DGLUCY: variants seen among roughly 807,000 people sequenced by gnomAD.
DGLUCY encodes the protein D-glutamate cyclase.
Under a neutral mutation model 58.5 loss-of-function variants are expected in DGLUCY, and 58 were observed. That is an observed-to-expected ratio of 0.99 (90% CI 0.80 to 1.23). DGLUCY has a LOEUF of 1.23. Among genes scored for constraint, DGLUCY ranks in the 50% most tolerant of loss-of-function variants. The probability of loss-of-function intolerance (pLI) is 0.00; values close to 1 mark genes in which losing one functional copy is unlikely to be tolerated. For synonymous variants in DGLUCY, 325 were observed against 314.1 expected (o/e 1.03, Z -0.37); for missense variants, 779 against 784.7 (o/e 0.99, Z 0.09).
At chr14:91,215,842 G>A (rs1886438612) in intron 13 of DGLUCY, 1 of 1,019,420 alleles carries the variant, frequency 9.8e-7, no homozygotes, top group Admixed American at 3.4e-5. Context: ...CTGTAAAATG[G>A]GGGTGGTCAG....
rs150798323 is a variant in DGLUCY, at chr14:91,143,541, C to T, written c.-81-14098C>T. ...AGTGGCCTGGTCTCCAACCGTTTCT[C>T]CACACGCTCTGCCTTTCTGACAGCA... On this transcript the variant is annotated intron_variant, in intron 1 of 13. Transcript: ENST00000256324. 2.8e-3 allele frequency among the ~76,000 whole-genome samples: 432 copies of T among 152,284 alleles called. 4 individuals are homozygous for T. Among genetic ancestry groups the T allele is most frequent in the African/African-American group, 9.2e-3 (382 of 41,546 alleles).
chr14:91,061,981 A>G (rs1307005222), intron 1 of DGLUCY, among the ~76,000 whole-genome samples: 1 of 152,208 alleles, frequency 6.6e-6, no homozygotes, highest in African/African-American at 2.4e-5. Flanking sequence ...GATAGATGTG[A>G]TCTTTTAAAC....
chr14:91,079,797 TA>T (rs1226899070), intron 1 of DGLUCY, among the ~76,000 whole-genome samples: 4 of 152,338 alleles, frequency 2.6e-5, no homozygotes, highest in South Asian at 4.1e-4. Flanking sequence ...TTATGGCTGT[TA>T]AAAAATTATG....
chr14:91,189,067 T>C lies in DGLUCY; in HGVS notation c.1092T>C (p.Ala364=). 3 of 1,614,166 alleles carry C rather than the reference T, an allele frequency of 1.9e-6. No individual in the cohort carries two copies. The highest frequency in any genetic ancestry group is 1.7e-6 in the Non-Finnish European group (2 of 1,180,028). The change falls in exon 9 of 14, where the codon GCT becomes GCC. Residue 364 remains alanine, a synonymous_variant. Coordinates refer to ENST00000256324, the MANE Select transcript of DGLUCY (RefSeq NM_001102368.3). ...EETDGPPGAV[A]LVAFLQALEK... ...CAGATGGCCCACCAGGAGCTGTTGCTCTGGTTGCCTTCCTGCAGGCCTTGG... is the reference window on the plus strand; with the variant it reads ...CAGATGGCCCACCAGGAGCTGTTGCCCTGGTTGCCTTCCTGCAGGCCTTGG...
chr14:91,167,829 A>G (rs2048369641), intron 4 of DGLUCY: 4 of 612,924 alleles, frequency 6.5e-6, no homozygotes, highest in East Asian at 2.7e-5. Flanking sequence ...CCACGAGTCT[A>G]CCTTTCCTAT....
At chr14:91,137,856 G>A (rs763284635) in intron 1 of DGLUCY, among the ~76,000 whole-genome samples, 6 of 152,002 alleles carry the variant, frequency 3.9e-5, no homozygotes, top group Admixed American at 1.3e-4. Context: ...TGGGAGAGAG[G>A]GGAGCAGGAG....
At chr14:91,068,115 A>ACACACACACACC (rs1236523220) in intron 1 of DGLUCY, among the ~76,000 whole-genome samples, 19 of 140,248 alleles carry the variant, frequency 1.4e-4, no homozygotes, top group Admixed American at 9.0e-4. Flanking sequence ...ACACACACAC[A>ACACACACACACC]CCCCTTGCAT....
intron 1 of DGLUCY, among the ~76,000 whole-genome samples, chr14:91,102,408 C>T (rs1054644702): frequency 1.3e-5 from 2 of 152,086 alleles, no homozygotes; most frequent in Middle Eastern, 3.2e-3. Flanking sequence ...TTAAGACAAG[C>T]AGATCATAAT....
intron 12 of DGLUCY, among the ~76,000 whole-genome samples, chr14:91,208,761 A>T (rs1243769412): frequency 6.6e-6 from 1 of 152,164 alleles, no homozygotes; most frequent in African/African-American, 2.4e-5. Context: ...AAAAAATAGA[A>T]TAAGTGACAC....
chr14:91,164,944 G>A (rs146275607), intron 3 of DGLUCY, among the ~76,000 whole-genome samples: 1 of 152,316 alleles, frequency 6.6e-6, no homozygotes, highest in African/African-American at 2.4e-5. Flanking sequence ...GTTCCCCCAG[G>A]CCCTGGGTGA....
At chr14:91,077,548 T>C (rs952272063) in intron 1 of DGLUCY, among the ~76,000 whole-genome samples, 1 of 151,584 alleles carries the variant, frequency 6.6e-6, no homozygotes, top group Admixed American at 6.6e-5. Context: ...GGTCAATAGA[T>C]CGAGACCATC....
At chr14:91,124,818 A>T (rs920627900) in intron 1 of DGLUCY, among the ~76,000 whole-genome samples, 4 of 152,260 alleles carry the variant, frequency 2.6e-5, no homozygotes, top group Admixed American at 6.5e-5. Context: ...ACCTGTGCTA[A>T]CATTCTTAAA....
At chr14:91,180,090 A>G (rs2049084385) in intron 7 of DGLUCY, among the ~76,000 whole-genome samples, 1 of 150,706 alleles carries the variant, frequency 6.6e-6, no homozygotes, top group African/African-American at 2.4e-5. Flanking sequence ...GGGTTTCACT[A>G]TGTTGCCCAG....
At chr14:91,062,071 G>A (rs1006325833) in intron 1 of DGLUCY, among the ~76,000 whole-genome samples, 1 of 152,160 alleles carries the variant, frequency 6.6e-6, no homozygotes, top group Non-Finnish European at 1.5e-5. Flanking sequence ...TTTGCAAGCT[G>A]TATGACCTTT....
intron 1 of DGLUCY, among the ~76,000 whole-genome samples, chr14:91,152,547 T>A (rs1174052826): frequency 1.3e-5 from 2 of 152,268 alleles, no homozygotes; most frequent in Non-Finnish European, 2.9e-5. Flanking sequence ...TACCATTTTT[T>A]AAATAAAATG....
At chr14:91,123,161 G>A (rs540133781) in intron 1 of DGLUCY, among the ~76,000 whole-genome samples, 1 of 152,262 alleles carries the variant, frequency 6.6e-6, no homozygotes, top group East Asian at 1.9e-4. Flanking sequence ...AGTATCATGA[G>A]TACCTGGATC....
At chr14:91,173,244 C>G in intron 5 of DGLUCY, 45 bp from the exon 6 acceptor site, 1 of 1,609,566 alleles carries the variant, frequency 6.2e-7, no homozygotes, top group Non-Finnish European at 8.5e-7. Context: ...TGTGCTAATT[C>G]CATTTTTTAA....
chr14:91,090,795 A>G (rs941077570), intron 1 of DGLUCY, among the ~76,000 whole-genome samples: 12 of 152,156 alleles, frequency 7.9e-5, no homozygotes, highest in African/African-American at 2.9e-4. Context: ...GTCCCTGTCA[A>G]ACTCCCAGCA....
chr14:91,173,506 G>A (rs1286490926), intron 6 of DGLUCY, 67 bp downstream of exon 6: 6 of 1,485,808 alleles, frequency 4.0e-6, no homozygotes, highest in African/African-American at 1.4e-5. Context: ...AGTGTCTCTC[G>A]CTCCTGCCCA....
Sources: gnomAD v4.1 joint callset for allele counts (sites outside exome capture counted in the v4.1 genomes callset) on GRCh38, gnomAD v4.1.1 for gene constraint, MANE v1.5 for transcripts, NCBI Gene and HGNC (gene_info 2026-07-23, HGNC 2026-07-21) for gene names.